The following OAS3 variants were observed in gnomAD, a reference collection of about 807,000 sequenced individuals.
OAS3 encodes 2'-5'-oligoadenylate synthetase 3.
Under a neutral mutation model 113.0 loss-of-function variants are expected in OAS3, and 107 were observed. The observed-to-expected ratio is 0.95, with a 90% CI of 0.81 to 1.11. OAS3 has a LOEUF of 1.11. Ranked by LOEUF, OAS3 falls within the 50% of genes most tolerant of loss-of-function variation. The pLI, the probability that OAS3 is intolerant of heterozygous loss-of-function variation, is 0.00. For synonymous variants in OAS3, 552 were observed against 573.6 expected (o/e 0.96, Z 0.54); for missense variants, 1,258 against 1,389.1 (o/e 0.91, Z 1.50).
intron 5 of OAS3, among the ~76,000 whole-genome samples, chr12:112,948,613 A>G (rs991211024): frequency 6.6e-6 from 1 of 151,698 alleles, no homozygotes; most frequent in African/African-American, 2.4e-5. Flanking sequence ...TTCTGCAGCT[A>G]TGGTCTGGTT....
rs1042402334 is a variant in OAS3, at chr12:112,954,918, G to T, written c.1657+3943G>T. Among the ~76,000 whole-genome samples, 24 of 152,258 alleles carry T rather than the reference G, an allele frequency of 1.6e-4. No individual in the cohort carries two copies. The highest frequency in any genetic ancestry group is 5.5e-4 in the African/African-American group (23 of 41,536). On this transcript the variant is annotated intron_variant, in intron 7 of 15. Coordinates refer to ENST00000228928, the MANE Select transcript of OAS3 (RefSeq NM_006187.4). The surrounding 1 kb of genome is among the most constrained non-coding windows in gnomAD (Gnocchi z 4.0). ...TCTATAAATTACCTTGGGCAATATG[G>T]CCATTTTCACAATATTGATTCTTCC... is the stretch of plus-strand genomic sequence containing the variant.
At chr12:112,955,536 T>C (rs1485028792) in intron 7 of OAS3, among the ~76,000 whole-genome samples, 1 of 152,252 alleles carries the variant, frequency 6.6e-6, no homozygotes. Context: ...TGAAGGGCTG[T>C]TGAATTTTCT....
chr12:112,964,450 C>T (rs374241810), intron 11 of OAS3, 42 bp downstream of exon 11: 26 of 1,579,872 alleles, frequency 1.6e-5, no homozygotes, highest in South Asian at 1.2e-5. Context: ...GTCCTGCAAG[C>T]TGGTGATCTC....
Position 112,965,610 on chromosome 12 carries a change from C to A in OAS3, c.2404-134C>A, listed in dbSNP as rs1051944018. 5.2e-6 allele frequency: 4 copies of A among 771,440 alleles called. No individual in the cohort carries two copies. In the African/African-American group the frequency reaches 5.3e-5, roughly 10 times the overall value. 47.8% of individuals were successfully genotyped at this position (771,440 alleles called of 1,614,324 possible). A position where few individuals can be genotyped will look rare whatever the true frequency, so the allele number is the denominator to read the frequency against. On this transcript the variant is annotated intron_variant, in intron 11 of 15. Coordinates refer to ENST00000228928, the MANE Select transcript of OAS3 (RefSeq NM_006187.4). ...ACAATCTTAAATACAGTCTTTCTTA[C>A]CATATTAAAGATCTAACACAGAGAG...
At chr12:112,953,893 T>G (rs1175621581) in intron 7 of OAS3, among the ~76,000 whole-genome samples, 1 of 152,252 alleles carries the variant, frequency 6.6e-6, no homozygotes, top group Non-Finnish European at 1.5e-5. Context: ...ATATTAGCCC[T>G]TTGTCAGATG....
In OAS3 at chr12:112,944,595, A is replaced by C; in HGVS notation, c.580A>C (p.Ile194Leu). 6.2e-7 allele frequency: 1 copy of C among 1,614,078 alleles called. No homozygotes were observed. Among genetic ancestry groups the C allele is most frequent in the Non-Finnish European group, 8.5e-7 (1 of 1,179,908 alleles). ...FTELRRNFVNIRPAKLKNLIL... is the reference protein window; with the variant it reads ...FTELRRNFVNLRPAKLKNLIL... ...AGAGCTGCGGAGGAACTTTGTGAAC[A>C]TTCGCCCAGCCAAGTTGAAGAACCT... Residue 194 changes from isoleucine to leucine, a missense_variant, in exon 3 of 16, where the codon ATT becomes CTT. By Grantham distance (5) the Ile-to-Leu change is conservative (BLOSUM62 2). Transcript: ENST00000228928.
chr12:112,945,844 C>T (rs2043723172), intron 3 of OAS3, among the ~76,000 whole-genome samples: 1 of 152,182 alleles, frequency 6.6e-6, no homozygotes, highest in Non-Finnish European at 1.5e-5. Context: ...AAAGGGCAAA[C>T]TGCTGGGTAT....
chr12:112,962,280 T>C (rs1441315316), intron 8 of OAS3, among the ~76,000 whole-genome samples: 2 of 152,232 alleles, frequency 1.3e-5, no homozygotes, highest in African/African-American at 4.8e-5. Context: ...GCAGCCCCTA[T>C]TCCTGTACAA....
chr12:112,938,734 G>T, intron 1 of OAS3, 27 bp downstream of exon 1: 1 of 1,123,138 alleles, frequency 8.9e-7, no homozygotes, highest in South Asian at 1.5e-5. Context: ...GGGTCTTTAT[G>T]TGTCCAAAGG....
In OAS3 at chr12:112,962,892, C is replaced by T. The variant is rs752917599; in HGVS notation, c.2074C>T (p.Arg692Ter). 2.6e-5 allele frequency: 42 copies of T among 1,613,524 alleles called. No homozygotes were observed. The highest frequency in any genetic ancestry group is 1.2e-4 in the Admixed American group (7 of 60,002). Reference sequence around the variant, plus strand: ...GAGAATGCACCTTCTTGGCCAGCTTCGAAAACCCAGGTGAAGACCCGCTTC... The same window carrying T: ...GAGAATGCACCTTCTTGGCCAGCTTTGAAAACCCAGGTGAAGACCCGCTTC... Reference protein sequence around the residue: ...AMRMHLLGQLRKPRPLVLDPA... With the variant: ...AMRMHLLGQL Residue 692 changes from arginine to a stop codon, truncating the protein, a stop_gained, in exon 9 of 16, where the codon CGA becomes TGA. Transcript: ENST00000228928. LOFTEE classifies it high-confidence loss of function.
intron 10 of OAS3, 72 bp from the exon 11 acceptor site, chr12:112,964,163 A>C: frequency 6.8e-7 from 1 of 1,471,012 alleles, no homozygotes; most frequent in Non-Finnish European, 9.2e-7. Flanking sequence ...CTCAGAGGAC[A>C]TCAAGGGGCA....
At position 112,968,017 on chromosome 12, in the gene OAS3, G is replaced by A; in HGVS notation, c.2947G>A (p.Gly983Ser). 6.2e-7 allele frequency: 1 copy of A among 1,614,010 alleles called. No homozygotes were observed. Among genetic ancestry groups the A allele is most frequent in the South Asian group, 1.1e-5 (1 of 91,074 alleles). ...ELLTVYAWEQ[G>S]GKDSQFNMAE... ...CCTGACTGTGTATGCCTGGGAGCAGGGCGGGAAGGACTCCCAGTTCAACAT... is the reference window on the plus strand; with the variant it reads ...CCTGACTGTGTATGCCTGGGAGCAGAGCGGGAAGGACTCCCAGTTCAACAT... Residue 983 changes from glycine (G) to serine (S), a missense_variant, in exon 14 of 16, where the codon GGC (glycine) becomes AGC (serine). Gly to Ser is a moderately conservative substitution (Grantham distance 56). Coordinates refer to ENST00000228928, the MANE Select transcript of OAS3 (RefSeq NM_006187.4).
intron 7 of OAS3, among the ~76,000 whole-genome samples, chr12:112,953,851 A>G (rs1340476073): frequency 6.6e-6 from 1 of 151,960 alleles, no homozygotes; most frequent in South Asian, 2.1e-4. Context: ...TTTTTTTCTT[A>G]TAAATTTGTT....
chr12:112,967,180 T>C (rs1248539289), intron 12 of OAS3, among the ~76,000 whole-genome samples: 3 of 152,070 alleles, frequency 2.0e-5, no homozygotes, highest in Admixed American at 6.5e-5. Flanking sequence ...TTTTCCAAGA[T>C]AGGTAAGCAG....
chr12:112,938,662 G>A lies in OAS3; in HGVS notation c.132G>A (p.Gly44=), dbSNP rs2043651843. ...TGGCCGCTGCCCTGAGGGAGCGCGG[G>A]GGCCGCCTCGGTGCTGCTGCCCCGC... The part of the protein sequence containing the change: ...GALAAALRER[G]GRLGAAAPRV... Residue 44 remains glycine (G), a synonymous_variant, in exon 1 of 16, where the codon GGG becomes GGA. Coordinates refer to ENST00000228928, the MANE Select transcript of OAS3 (RefSeq NM_006187.4). 6.3e-7 allele frequency: 1 copy of A among 1,591,396 alleles called. No homozygotes were observed. Among genetic ancestry groups the A allele is most frequent in the East Asian group, 2.3e-5 (1 of 43,668 alleles).
In OAS3 at chr12:112,950,675, C is replaced by T. The variant is rs1282408486; in HGVS notation, c.1375-18C>T. The T allele has an allele frequency of 1.9e-6, 3 of 1,613,006 alleles. No homozygotes were observed. Among genetic ancestry groups the T allele is most frequent in the Admixed American group, 3.3e-5 (2 of 59,954 alleles). ...GCTCCTAGAGGGTCCCTGATCTGAG[C>T]TGTTCTTCCCTCCACAGGGGGGCTC... On this transcript the variant is annotated intron_variant, in intron 6 of 15. Coordinates refer to ENST00000228928, the MANE Select transcript of OAS3 (RefSeq NM_006187.4).
intron 2 of OAS3, 155 bp downstream of exon 2, chr12:112,942,007 C>A: frequency 1.1e-6 from 1 of 897,218 alleles, no homozygotes. Context: ...ACATATTGGA[C>A]TTGTGCCAGA....
intron 7 of OAS3, among the ~76,000 whole-genome samples, chr12:112,951,461 A>C (rs907815712): frequency 1.3e-5 from 2 of 152,140 alleles, no homozygotes; most frequent in African/African-American, 2.4e-5. Flanking sequence ...TTTGTTTGAC[A>C]TGCATAATTT....
In OAS3 at chr12:112,969,775, A is replaced by G. The variant is rs758141117; in HGVS notation, c.3252+20A>G. On this transcript the variant is annotated intron_variant, in intron 15 of 15. Transcript: ENST00000228928. ...GTGAAGGTGAGAGATCTGTGGTGCC[A>G]AAGGAAGTACCCTTTAGGGGTAAGG... 1.2e-6 allele frequency: 2 copies of G among 1,610,650 alleles called. No homozygotes were observed. Among genetic ancestry groups the G allele is most frequent in the South Asian group, 1.1e-5 (1 of 90,870 alleles).
Sources: allele counts gnomAD v4.1 joint callset (sites outside exome capture counted in the v4.1 genomes callset), GRCh38; gene constraint gnomAD v4.1.1; non-coding constraint Gnocchi (gnomAD v3.1); transcripts MANE v1.5; gene names NCBI Gene and HGNC (gene_info 2026-07-23, HGNC 2026-07-21).